Variants in LRRK1 observed in about 807,000 individuals in gnomAD.
LRRK1 encodes leucine rich repeat kinase 1, also known as leucine-rich repeat serine/threonine-protein kinase 1.
LRRK1 carries 113 observed loss-of-function variants against 209.1 expected under a neutral mutation model. The ratio of observed to expected loss-of-function variants is 0.54; its 90% CI spans 0.46 to 0.63. LRRK1 has a LOEUF of 0.63. Ranked by LOEUF, LRRK1 falls within the 30% of genes least tolerant of loss-of-function variation. LRRK1 has a pLI of 0.00. For missense variants in LRRK1, 2,284 were observed against 2,632.2 expected, an observed-to-expected ratio of 0.87 and a Z score of 2.89; for synonymous variants, 1,144 against 1,099.7, an observed-to-expected ratio of 1.04 and a Z score of -0.80.
chr15:101,036,919 A>G (rs925957115), intron 20 of LRRK1, among the ~76,000 whole-genome samples: 4 of 152,224 alleles, frequency 2.6e-5, no homozygotes, highest in Non-Finnish European at 4.4e-5. Flanking sequence ...TTTAGGGTGC[A>G]GTTGTTAGTG....
In LRRK1 at chr15:101,066,645, G is replaced by A. The variant is rs774451516; in HGVS notation, c.5774G>A (p.Gly1925Asp). ...VRDLIWVPRR[G>D]GDVIVIGLEK... ...TCTGGGTTTTGGTTGCTTAGGCGCG[G>A]TGGAGATGTTATCGTCATTGGCCTG... is the stretch of plus-strand genomic sequence containing the variant. Residue 1925 changes from glycine to aspartate, a missense_variant, in exon 33 of 34, where the codon GGT (glycine) becomes GAT (aspartate). Physicochemically the swap from Gly to Asp is moderately conservative, Grantham distance 94. This residue lies in a region of LRRK1 where 643 missense variants were observed against 695.9 expected (regional missense o/e 0.92). Transcript: ENST00000388948. The A allele has an allele frequency of 6.8e-6, 11 of 1,614,086 alleles. No homozygotes were observed. Among genetic ancestry groups the A allele is most frequent in the Non-Finnish European group, 9.3e-6 (11 of 1,180,000 alleles).
chr15:101,061,434 A>C, intron 30 of LRRK1, 146 bp downstream of exon 30: 1 of 612,732 alleles, frequency 1.6e-6, no homozygotes, highest in Non-Finnish European at 2.9e-6. Flanking sequence ...GCAGTCCCCA[A>C]GTAATGCCAG....
chr15:101,053,066 G>T lies in LRRK1; in HGVS notation c.3834G>T (p.Lys1278Asn). The change falls in exon 25 of 34, where the codon AAG becomes AAT. Residue 1278 changes from lysine to asparagine, a missense_variant. By Grantham distance (94) the Lys-to-Asn change is moderately conservative (BLOSUM62 0). Coordinates refer to ENST00000388948, the MANE Select transcript of LRRK1 (RefSeq NM_024652.6). ...AGCGCTTCCACATCAAAAAATTCAA[G>T]AACTTTGCTAACGTACCGGCAGGTA... The part of the protein sequence containing the change: ...AVKRFHIKKF[K>N]NFANVPADTM... The T allele has an allele frequency of 1.2e-6, 2 of 1,610,830 alleles. No homozygotes were observed. Among genetic ancestry groups the T allele is most frequent in the Non-Finnish European group, 1.7e-6 (2 of 1,177,836 alleles).
chr15:100,962,732 C>A (rs1217343475), intron 2 of LRRK1, among the ~76,000 whole-genome samples: 2 of 143,054 alleles, frequency 1.4e-5, no homozygotes, highest in Non-Finnish European at 3.0e-5. Flanking sequence ...CATTAGGGAC[C>A]TTTTCTCAAA....
intron 2 of LRRK1, among the ~76,000 whole-genome samples, chr15:100,942,734 A>C (rs1232630056): frequency 2.0e-5 from 3 of 152,204 alleles, no homozygotes; most frequent in African/African-American, 4.8e-5. Flanking sequence ...GTCTCACTGA[A>C]GAAAACTGGT....
At chr15:101,061,421 C>T (rs757047098) in intron 30 of LRRK1, 133 bp downstream of exon 30, 13 of 632,520 alleles carry the variant, frequency 2.1e-5, no homozygotes, top group African/African-American at 7.3e-5. Context: ...AGCGCATCCC[C>T]GTGCAGTCCC....
intron 6 of LRRK1, among the ~76,000 whole-genome samples, chr15:101,007,461 C>T (rs773233527): frequency 1.3e-5 from 2 of 152,334 alleles, no homozygotes; most frequent in South Asian, 4.1e-4. Flanking sequence ...GCCGGAAAAC[C>T]GCTGGCCCTT....
At chr15:100,962,621 C>G (rs964907280) in intron 2 of LRRK1, among the ~76,000 whole-genome samples, 17 of 150,848 alleles carry the variant, frequency 1.1e-4, no homozygotes, top group African/African-American at 4.1e-4. Flanking sequence ...TTTAGATTTT[C>G]TTTCTAAACA....
chr15:101,052,652 G>T (rs2035528180), intron 24 of LRRK1, among the ~76,000 whole-genome samples: 1 of 152,210 alleles, frequency 6.6e-6, no homozygotes, highest in Non-Finnish European at 1.5e-5. Flanking sequence ...CACCACTTCT[G>T]TGGGGTTCAC....
chr15:100,956,893 TTAAGA>T (rs2042778034), intron 2 of LRRK1, among the ~76,000 whole-genome samples: 1 of 152,258 alleles, frequency 6.6e-6, no homozygotes, highest in South Asian at 2.1e-4. Context: ...GTTTGTCTAA[TTAAGA>T]TATTTCTTTT....
chr15:101,058,617 C>G (rs866285538), intron 29 of LRRK1, among the ~76,000 whole-genome samples: 354 of 75,284 alleles, frequency 4.7e-3, no homozygotes, highest in Non-Finnish European at 5.3e-3. Flanking sequence ...GAAGGGGCAA[C>G]GGGGGGGGGC....
chr15:101,034,372 G>A (rs929876154), intron 20 of LRRK1, among the ~76,000 whole-genome samples: 1 of 152,004 alleles, frequency 6.6e-6, no homozygotes, highest in African/African-American at 2.4e-5. Context: ...TCTTCTAGTA[G>A]TTTATAGTTT....
At chr15:100,967,429 T>C (rs1362232157) in intron 2 of LRRK1, among the ~76,000 whole-genome samples, 2 of 152,236 alleles carry the variant, frequency 1.3e-5, no homozygotes, top group Non-Finnish European at 1.5e-5. Context: ...CGATTGCCTT[T>C]GAAATGGAGC....
chr15:100,944,111 C>T (rs1251641648), intron 2 of LRRK1, among the ~76,000 whole-genome samples: 1 of 152,152 alleles, frequency 6.6e-6, no homozygotes, highest in Non-Finnish European at 1.5e-5. Flanking sequence ...GGGGCCCAGA[C>T]ATTCTCAGAG....
intron 2 of LRRK1, among the ~76,000 whole-genome samples, chr15:100,943,698 T>C (rs959752274): frequency 6.6e-6 from 1 of 151,234 alleles, no homozygotes; most frequent in Non-Finnish European, 1.5e-5. Context: ...AGTGATCGTA[T>C]CTTTTTTTTT....
intron 2 of LRRK1, among the ~76,000 whole-genome samples, chr15:100,960,818 A>T (rs2029893283): frequency 6.6e-6 from 1 of 152,234 alleles, no homozygotes; most frequent in African/African-American, 2.4e-5. Flanking sequence ...ATTCATCTTC[A>T]TAGCTTTGTA....
chr15:100,992,464 A>G (rs138935956), intron 6 of LRRK1, among the ~76,000 whole-genome samples: 279 of 152,066 alleles, frequency 1.8e-3, no homozygotes, highest in African/African-American at 6.2e-3. Flanking sequence ...TACTCTTTTC[A>G]TTTATGCTGT....
chr15:101,066,301 C>T, intron 32 of LRRK1, 96 bp downstream of exon 32: 1 of 1,455,154 alleles, frequency 6.9e-7, no homozygotes, highest in Admixed American at 2.2e-5. Context: ...CCTTACAGGT[C>T]ATGTGGGGAG....
At chr15:101,006,561 A>T (rs1266948146) in intron 6 of LRRK1, among the ~76,000 whole-genome samples, 1 of 152,244 alleles carries the variant, frequency 6.6e-6, no homozygotes, top group African/African-American at 2.4e-5. Context: ...ATATTCTAAC[A>T]TGGGCTGTGA....
Sources: allele counts gnomAD v4.1 joint callset (sites outside exome capture counted in the v4.1 genomes callset), GRCh38; gene constraint gnomAD v4.1.1; regional missense constraint gnomAD v4.1.1; transcripts MANE v1.5; gene names NCBI Gene and HGNC (gene_info 2026-07-23, HGNC 2026-07-21).